Variants in KLHL29 observed in about 807,000 individuals in gnomAD.
The protein encoded by KLHL29 is kelch like family member 29.
KLHL29 carries 21 observed loss-of-function variants against 80.4 expected under a neutral mutation model. The observed-to-expected ratio is 0.26, with a 90% CI of 0.19 to 0.38. KLHL29 has a LOEUF of 0.38. Among genes scored for constraint, KLHL29 ranks in the 10% least tolerant of loss-of-function variants. The pLI, the probability that KLHL29 is intolerant of heterozygous loss-of-function variation, is 1.00. For synonymous variants in KLHL29, 511 were observed against 526.8 expected (o/e 0.97, Z 0.41); for missense variants, 867 against 1,223.9 (o/e 0.71, Z 4.35).
chr2:23,461,975 C>CTTTTTTTTTTTTTTTTTTT (rs1164075132), intron 1 of KLHL29, among the ~76,000 whole-genome samples: 4 of 79,504 alleles, frequency 5.0e-5, no homozygotes, highest in African/African-American at 4.3e-5. Context: ...CGGTTTTTGC[C>CTTTTTTTTTTTTTTTTTTT]ATTTTTTTTT....
At chr2:23,654,648 G>A (rs1319164128) in intron 5 of KLHL29, among the ~76,000 whole-genome samples, 5 of 148,040 alleles carry the variant, frequency 3.4e-5, no homozygotes, top group Non-Finnish European at 7.5e-5. Context: ...GGAAGCCGGT[G>A]GGCAGGGCTG....
chr2:23,694,826 T>G (rs1304159712), intron 8 of KLHL29, among the ~76,000 whole-genome samples: 1 of 152,132 alleles, frequency 6.6e-6, no homozygotes, highest in African/African-American at 2.4e-5. Context: ...AACCTCTTAC[T>G]CCTGCACCCA....
At chr2:23,505,865 G>A (rs1665583501) in intron 2 of KLHL29, among the ~76,000 whole-genome samples, 1 of 152,224 alleles carries the variant, frequency 6.6e-6, no homozygotes, top group Non-Finnish European at 1.5e-5. Flanking sequence ...TACAGGGTGG[G>A]TTCAGAGGAC....
intron 3 of KLHL29, among the ~76,000 whole-genome samples, chr2:23,572,723 C>T (rs976537452): frequency 9.2e-5 from 13 of 141,600 alleles, no homozygotes; most frequent in South Asian, 2.2e-4. Context: ...TTTTTTGAGA[C>T]GGAGTCTCGC....
chr2:23,484,352 C>T (rs1664874805), intron 2 of KLHL29, among the ~76,000 whole-genome samples: 1 of 152,218 alleles, frequency 6.6e-6, no homozygotes, highest in African/African-American at 2.4e-5. Flanking sequence ...ACGGGCCACC[C>T]TTGATGTGTT....
intron 2 of KLHL29, among the ~76,000 whole-genome samples, chr2:23,479,966 G>A (rs894936365): frequency 6.6e-5 from 10 of 152,210 alleles, no homozygotes; most frequent in African/African-American, 2.4e-4. Context: ...GCAGCGTGGT[G>A]GCAGGGAACC....
chr2:23,587,510 C>T (rs1268427607), intron 3 of KLHL29, among the ~76,000 whole-genome samples: 1 of 152,206 alleles, frequency 6.6e-6, no homozygotes, highest in Non-Finnish European at 1.5e-5. Context: ...AGTCCCCCCT[C>T]CACTGCCTGG....
intron 2 of KLHL29, among the ~76,000 whole-genome samples, chr2:23,490,770 G>A (rs916812118): frequency 8.5e-5 from 13 of 152,128 alleles, no homozygotes; most frequent in Non-Finnish European, 2.9e-5. Context: ...TCCCTCCTCA[G>A]GGCTGGTTAC....
intron 6 of KLHL29, among the ~76,000 whole-genome samples, chr2:23,687,030 T>C (rs979590714): frequency 6.6e-6 from 1 of 151,912 alleles, no homozygotes. Context: ...GAGAAGCTGA[T>C]GTAACCATGT....
At chr2:23,486,460 T>C (rs1056049212) in intron 2 of KLHL29, among the ~76,000 whole-genome samples, 1 of 152,028 alleles carries the variant, frequency 6.6e-6, no homozygotes, top group Non-Finnish European at 1.5e-5. Context: ...GGGGACTGGA[T>C]TTATGATCGA....
chr2:23,435,591 C>A (rs957335343), intron 1 of KLHL29, among the ~76,000 whole-genome samples: 1 of 152,126 alleles, frequency 6.6e-6, no homozygotes, highest in Admixed American at 6.5e-5. Context: ...TGCGGTTGCA[C>A]GTAAATCAAT....
intron 2 of KLHL29, among the ~76,000 whole-genome samples, chr2:23,519,169 C>G (rs779391180): frequency 6.6e-6 from 1 of 152,144 alleles, no homozygotes; most frequent in Non-Finnish European, 1.5e-5. Context: ...AGCCACCAAG[C>G]GGGGACAGCC....
intron 1 of KLHL29, among the ~76,000 whole-genome samples, chr2:23,465,388 A>T (rs1221587244): frequency 6.6e-6 from 1 of 152,198 alleles, no homozygotes; most frequent in East Asian, 1.9e-4. Flanking sequence ...TCTGTGTGTG[A>T]GGGCACCTAG....
chr2:23,646,864 G>A (rs1669948683), intron 5 of KLHL29, among the ~76,000 whole-genome samples: 2 of 152,242 alleles, frequency 1.3e-5, no homozygotes, highest in African/African-American at 2.4e-5. Context: ...TCTTTAAAGT[G>A]GGGGTGACAG....
intron 1 of KLHL29, among the ~76,000 whole-genome samples, chr2:23,386,934 G>T (rs1404725677): frequency 6.6e-6 from 1 of 152,100 alleles, no homozygotes; most frequent in East Asian, 1.9e-4. Flanking sequence ...GGGTCCACCC[G>T]CTGAGAAGCC....
rs1222101839 is a variant in KLHL29 at position 23,684,887 on chromosome 2, T to G, written c.1079+350T>G. On this transcript the variant is annotated intron_variant, in intron 6 of 13. Transcript: ENST00000486442. The surrounding 1 kb of genome is among the most constrained non-coding windows in gnomAD (Gnocchi z 4.4). ...GATTAGGGGGGACTGTAGGCTCCAT[T>G]TTAAGGGATCACTACACACTGCCCC... Among the ~76,000 whole-genome samples the G allele has an allele frequency of 1.3e-5, 2 of 152,008 alleles. No individual in the cohort carries two copies. Among genetic ancestry groups the G allele is most frequent in the Non-Finnish European group, 1.5e-5 (1 of 68,010 alleles).
At chr2:23,580,231 G>A (rs1198854478) in intron 3 of KLHL29, among the ~76,000 whole-genome samples, 3 of 151,956 alleles carry the variant, frequency 2.0e-5, no homozygotes, top group Non-Finnish European at 4.4e-5. Flanking sequence ...AGCTAGCCGG[G>A]CATGGTGGCA....
rs866894467 is a variant in KLHL29, at chr2:23,703,215, C to T, written c.2135C>T (p.Ala712Val). The stretch of plus-strand genomic sequence containing the variant: ...GACACCATCACCAACCAATGGGAGG[C>T]GGTGGCCCCTCTGCCCAAGGCAGTA... Reference protein sequence around the residue: ...RYDTITNQWEAVAPLPKAVHS... With the variant: ...RYDTITNQWEVVAPLPKAVHS... Residue 712 changes from alanine to valine, a missense_variant, in exon 12 of 14, where the codon GCG becomes GTG. Physicochemically the swap from Ala to Val is moderately conservative, Grantham distance 64. Coordinates refer to ENST00000486442, the MANE Select transcript of KLHL29 (RefSeq NM_052920.2). The T allele has an allele frequency of 8.8e-6, 13 of 1,470,236 alleles. No individual in the cohort carries two copies. The highest frequency in any genetic ancestry group is 1.8e-4 in the Middle Eastern group (1 of 5,694). 91.1% of individuals were successfully genotyped at this position (1,470,236 alleles called of 1,614,324 possible).
intron 2 of KLHL29, among the ~76,000 whole-genome samples, chr2:23,548,523 A>G (rs1056476752): frequency 1.3e-5 from 2 of 152,202 alleles, no homozygotes; most frequent in African/African-American, 2.4e-5. Context: ...CAATGACACC[A>G]GAGCAGAAAG....
Sources: allele counts gnomAD v4.1 joint callset (sites outside exome capture counted in the v4.1 genomes callset), GRCh38; gene constraint gnomAD v4.1.1; non-coding constraint Gnocchi (gnomAD v3.1); transcripts MANE v1.5; gene names NCBI Gene and HGNC (gene_info 2026-07-23, HGNC 2026-07-21).